BANP: variants seen among roughly 807,000 people sequenced by gnomAD.
BANP encodes protein BANP.
In BANP, 11 loss-of-function variants were observed where a neutral mutation model predicts 68.1. That is an observed-to-expected ratio of 0.16 (90% CI 0.10 to 0.27). BANP has a LOEUF of 0.27. BANP is among the 10% of genes least tolerant of loss of function. The probability of loss-of-function intolerance (pLI) is 1.00; values close to 1 mark genes in which losing one functional copy is unlikely to be tolerated. For synonymous variants in BANP, 329 were observed against 303.2 expected, an observed-to-expected ratio of 1.09 and a Z score of -0.88; for missense variants, 504 against 722.7, an observed-to-expected ratio of 0.70 and a Z score of 3.47.
At chr16:87,995,450 T>C (rs2152514052) in intron 4 of BANP, among the ~76,000 whole-genome samples, 1 of 152,388 alleles carries the variant, frequency 6.6e-6, no homozygotes, top group South Asian at 2.1e-4. Flanking sequence ...AAAAGAAATC[T>C]GTCCATTTTT....
intron 1 of BANP, among the ~76,000 whole-genome samples, chr16:87,959,160 G>A (rs544127197): frequency 1.3e-5 from 2 of 152,342 alleles, no homozygotes; most frequent in African/African-American, 4.8e-5. Flanking sequence ...CTTGTGGGGC[G>A]TGGGATGTCT....
At chr16:88,046,969 G>A (rs2082165082) in intron 11 of BANP, among the ~76,000 whole-genome samples, 1 of 151,946 alleles carries the variant, frequency 6.6e-6, no homozygotes, top group South Asian at 2.1e-4. Flanking sequence ...GGGAGGCTGA[G>A]GCAAGAGAAT....
chr16:88,031,546 G>A (rs1244977402), intron 8 of BANP, among the ~76,000 whole-genome samples: 1 of 151,854 alleles, frequency 6.6e-6, no homozygotes, highest in African/African-American at 2.4e-5. Flanking sequence ...CTACTTGGAA[G>A]GCTGAGGCAG....
At chr16:87,950,359 A>G (rs2056695320), upstream of BANP, 3 of 152,194 alleles carry the variant, frequency 2.0e-5, no homozygotes, top group South Asian at 6.2e-4. Context: ...GAACTGCGCT[A>G]TGGTTTGGGA....
At chr16:87,991,293 A>T (rs904549061) in intron 4 of BANP, among the ~76,000 whole-genome samples, 14 of 152,276 alleles carry the variant, frequency 9.2e-5, no homozygotes, top group African/African-American at 3.4e-4. Flanking sequence ...CAGTTTACAT[A>T]CATACAACTT....
chr16:88,010,659 G>A (rs1169320401), intron 6 of BANP, among the ~76,000 whole-genome samples: 1 of 152,264 alleles, frequency 6.6e-6, no homozygotes, highest in Non-Finnish European at 1.5e-5. Context: ...CACAATGTTA[G>A]CCGTGCACAT....
At chr16:88,035,836 G>A (rs2079211669) in intron 10 of BANP, among the ~76,000 whole-genome samples, 1 of 152,234 alleles carries the variant, frequency 6.6e-6, no homozygotes, top group Non-Finnish European at 1.5e-5. Flanking sequence ...CGATTTCATG[G>A]GATGGTGGGG....
rs1314874356 is a variant in BANP, at chr16:88,065,272, A to G, written c.1317A>G (p.Leu439=). Residue 439 remains leucine (L), a synonymous_variant, in exon 12 of 14, where the codon CTA becomes CTG. Coordinates refer to ENST00000682872, the MANE Select transcript of BANP (RefSeq NM_001386991.1). ...IHHVGQDGQL[L]EATRIPCLLA... ...CGTTTTCTTGCCTTTTCCAGCTTCT[A>G]GAGGCCACCCGCATCCCCTGCCTCC... 1.3e-6 allele frequency: 1 copy of G among 763,028 alleles called. No individual in the cohort carries two copies. 47.3% of individuals were successfully genotyped at this position (763,028 alleles called of 1,614,324 possible). A position where few individuals can be genotyped will look rare whatever the true frequency, so the allele number is the denominator to read the frequency against.
In BANP at chr16:87,953,541, T is replaced by C. The variant is rs946424260; in HGVS notation, c.-69+2026T>C. ...TGTATTACACAGCCTTGTCTTTCTA[T>C]TACGATGGGGTGATGGAGCCCTTCT... is the stretch of plus-strand genomic sequence containing the variant. On this transcript the variant is annotated intron_variant, in intron 1 of 13. Coordinates refer to ENST00000682872, the MANE Select transcript of BANP (RefSeq NM_001386991.1). Among the ~76,000 whole-genome samples, 7 of 152,326 alleles carry C rather than the reference T, an allele frequency of 4.6e-5. No individual in the cohort carries two copies. In the South Asian group the frequency reaches 1.5e-3, roughly 32 times the overall value.
chr16:87,980,065 G>A (rs1002396853), intron 2 of BANP, among the ~76,000 whole-genome samples: 65 of 152,338 alleles, frequency 4.3e-4, no homozygotes, highest in African/African-American at 1.3e-3. Context: ...CATGTATGCC[G>A]TTTGTTTATC....
At chr16:87,967,390 G>A (rs981885475) in intron 1 of BANP, among the ~76,000 whole-genome samples, 1 of 150,856 alleles carries the variant, frequency 6.6e-6, no homozygotes, top group Non-Finnish European at 1.5e-5. Flanking sequence ...TTACAAATGT[G>A]AGCCACCACA....
At position 88,018,134 on chromosome 16, in the gene BANP, A is replaced by G. The variant is rs1844312255; in HGVS notation, c.656-294A>G. On this transcript the variant is annotated intron_variant, in intron 6 of 13. Coordinates refer to ENST00000682872, the MANE Select transcript of BANP (RefSeq NM_001386991.1). This position sits in a 1 kb window ranked among gnomAD's most constrained non-coding sequence, Gnocchi z 7.7. ...TCGGTATTGCTGGGGTCCCGGGTCC[A>G]GGGTGAGCAGAGTGTGTGACCGTGT... is the stretch of plus-strand genomic sequence containing the variant. Among the ~76,000 whole-genome samples, 1 of 151,828 alleles carries G rather than the reference A, an allele frequency of 6.6e-6. No individual in the cohort carries two copies. The highest frequency in any genetic ancestry group is 2.4e-5 in the African/African-American group (1 of 41,308).
In BANP at chr16:88,033,161, G is replaced by A. The variant is rs765286998; in HGVS notation, c.1116G>A (p.Pro372=). 38 of 1,609,944 alleles carry A rather than the reference G, an allele frequency of 2.4e-5. No homozygotes were observed. The highest frequency in any genetic ancestry group is 2.3e-4 in the South Asian group (21 of 90,790). ...PPASELPQPQ[P]QPQALHYALA... ...CCAGCGAGCTCCCGCAGCCACAGCC[G>A]CAGCCGCAGGCCCTGCACTACGCGC... Residue 372 remains proline (P), a synonymous_variant, in exon 9 of 14, where the codon CCG becomes CCA. Coordinates refer to ENST00000682872, the MANE Select transcript of BANP (RefSeq NM_001386991.1).
chr16:87,952,733 G>T (rs1210812992), intron 1 of BANP: 3 of 152,162 alleles, frequency 2.0e-5, no homozygotes, highest in African/African-American at 7.2e-5. Context: ...ATTAAAATAA[G>T]AATATATTCT....
intron 7 of BANP, among the ~76,000 whole-genome samples, chr16:88,021,122 C>T (rs2075956521): frequency 6.6e-6 from 1 of 152,206 alleles, no homozygotes; most frequent in Non-Finnish European, 1.5e-5. Context: ...GGGAGCCTGG[C>T]ATGGGCCACC....
intron 4 of BANP, among the ~76,000 whole-genome samples, chr16:87,993,345 G>A (rs755461992): frequency 1.3e-5 from 2 of 152,224 alleles, no homozygotes; most frequent in Non-Finnish European, 2.9e-5. Flanking sequence ...GAGTGTCACA[G>A]ATACTGTTGT....
rs190778941 is a variant in BANP at position 87,988,892 on chromosome 16, C to A, written c.362+4633C>A. On this transcript the variant is annotated intron_variant, in intron 4 of 13. Coordinates refer to ENST00000682872, the MANE Select transcript of BANP (RefSeq NM_001386991.1). ...GCAGCAGCAGGGGCGTCACTAAGGC[C>A]CCCTCTCTGTGTGTTGAAATCACCC... is the stretch of plus-strand genomic sequence containing the variant. 3.9e-3 allele frequency among the ~76,000 whole-genome samples: 588 copies of A among 152,292 alleles called. 3 individuals are homozygous for A. Among genetic ancestry groups the A allele is most frequent in the African/African-American group, 0.011 (449 of 41,554 alleles).
intron 4 of BANP, among the ~76,000 whole-genome samples, chr16:88,001,791 A>T (rs2069431498): frequency 6.6e-6 from 1 of 152,042 alleles, no homozygotes; most frequent in African/African-American, 2.4e-5. Context: ...TTTCGTTTCC[A>T]TTTCATTTCC....
chr16:87,967,388 G>A (rs965098897), intron 1 of BANP, among the ~76,000 whole-genome samples: 7 of 150,282 alleles, frequency 4.7e-5, no homozygotes, highest in Non-Finnish European at 1.0e-4. Context: ...GATTACAAAT[G>A]TGAGCCACCA....
Sources: allele counts gnomAD v4.1 joint callset (sites outside exome capture counted in the v4.1 genomes callset), GRCh38; gene constraint gnomAD v4.1.1; non-coding constraint Gnocchi (gnomAD v3.1); transcripts MANE v1.5; gene names NCBI Gene and HGNC (gene_info 2026-07-23, HGNC 2026-07-21).